The following TMEM86B variants were observed in gnomAD, a reference collection of about 807,000 sequenced individuals.
TMEM86B encodes the protein lysoplasmalogenase TMEM86B.
TMEM86B carries 15 observed loss-of-function variants against 12.3 expected under a neutral mutation model. That is an observed-to-expected ratio of 1.22 (90% CI 0.81 to 1.87). TMEM86B has a LOEUF of 1.87. Among genes scored for constraint, TMEM86B ranks in the 40% most tolerant of loss-of-function variants. TMEM86B has a pLI of 0.00. For synonymous variants in TMEM86B, 173 were observed against 140.3 expected, an observed-to-expected ratio of 1.23 and a Z score of -1.65; for missense variants, 328 against 297.4, an observed-to-expected ratio of 1.10 and a Z score of -0.76.
In TMEM86B at chr19:55,227,094, AG is replaced by A. The variant is rs2087288124; in HGVS notation, c.*86del. 6.0e-6 allele frequency: 8 copies of A among 1,332,596 alleles called. No individual in the cohort carries two copies. Among genetic ancestry groups the A allele is most frequent in the Non-Finnish European group, 7.8e-6 (8 of 1,029,784 alleles). 82.5% of individuals were successfully genotyped at this position (1,332,596 alleles called of 1,614,324 possible). A position where few individuals can be genotyped will look rare whatever the true frequency, so the allele number is the denominator to read the frequency against. ...CAGGCGTCAGGAAGCTTCGCTGCTG[AG>A]GGTATTTCTCAGGCTGGGCTGGGCT... On this transcript the variant is annotated 3_prime_UTR_variant, in exon 3 of 3. Coordinates refer to ENST00000327042, the MANE Select transcript of TMEM86B (RefSeq NM_173804.5).
Position 55,228,405 on chromosome 19 carries a change from G to T in TMEM86B, c.84C>A (p.Phe28Leu). ...RPDVCRWLSP[F>L]ILSCCVYFCL... Reference sequence around the variant, plus strand: ...AGAAGTACACGCAGCAGGAGAGGATGAAGGGGCTCAGCCACCTGCAGACAT... The same window carrying T: ...AGAAGTACACGCAGCAGGAGAGGATTAAGGGGCTCAGCCACCTGCAGACAT... The change falls in exon 2 of 3, where the codon TTC becomes TTA. Residue 28 changes from phenylalanine (F) to leucine (L), a missense_variant. Coordinates refer to ENST00000327042, the MANE Select transcript of TMEM86B (RefSeq NM_173804.5). 1 of 1,613,444 alleles carries T rather than the reference G, an allele frequency of 6.2e-7. No individual in the cohort carries two copies. The highest frequency in any genetic ancestry group is 1.1e-5 in the South Asian group (1 of 91,088).
In TMEM86B at chr19:55,227,296, T is replaced by G; in HGVS notation, c.566A>C (p.Asp189Ala). ...ATGGGGCAGGGGCTGGGCGAAGGTG[T>G]CCCAGGCCAGCACGCCATCAGAGAG... ...FTLSDGVLAW[D>A]TFAQPLPHAH... The change falls in exon 3 of 3, where the codon GAC becomes GCC. Residue 189 changes from aspartate (D) to alanine (A), a missense_variant. By Grantham distance (126) the Asp-to-Ala change is moderately radical. Transcript: ENST00000327042. 1 of 1,609,030 alleles carries G rather than the reference T, an allele frequency of 6.2e-7. No individual in the cohort carries two copies. The highest frequency in any genetic ancestry group is 8.5e-7 in the Non-Finnish European group (1 of 1,177,474).
chr19:55,228,016 C>T (rs2087299076), intron 2 of TMEM86B, 175 bp downstream of exon 2: 4 of 1,149,834 alleles, frequency 3.5e-6, no homozygotes, highest in Non-Finnish European at 4.8e-6. Flanking sequence ...TGCCCTAACA[C>T]CGCCTGCCCC....
intron 2 of TMEM86B, chr19:55,227,832 C>T: frequency 1.7e-6 from 1 of 594,036 alleles, no homozygotes; most frequent in Non-Finnish European, 2.9e-6. Flanking sequence ...GGGCTACAAG[C>T]ACCTGACACG....
At position 55,226,992 on chromosome 19, in the gene TMEM86B, AG is replaced by A. The variant is rs1334994270; in HGVS notation, c.*188del. ...AACCGGGGGAAGGCAGCTGGAACCC[AG>A]TAGTGGACTTGGAATTCCGCAAATC... On this transcript the variant is annotated 3_prime_UTR_variant, in exon 3 of 3. Transcript: ENST00000327042. 1.6e-5 allele frequency: 9 copies of A among 568,322 alleles called. No individual in the cohort carries two copies. Among genetic ancestry groups the A allele is most frequent in the Non-Finnish European group, 2.2e-5 (8 of 369,836 alleles). The allele number at this position is 568,322 out of a possible 1,614,324, so 35.2% of individuals were successfully genotyped here. A position where few individuals can be genotyped will look rare whatever the true frequency, so the allele number is the denominator to read the frequency against.
At chr19:55,227,961 G>GT (rs2087298495) in intron 2 of TMEM86B, 2 of 732,216 alleles carry the variant, frequency 2.7e-6, no homozygotes, top group Non-Finnish European at 4.3e-6. Context: ...TCAAACTGCA[G>GT]TACCTCCAGC....
chr19:55,228,660 C>T (rs746575586), intron 1 of TMEM86B, 31 bp downstream of exon 1: 1 of 1,601,418 alleles, frequency 6.2e-7, no homozygotes, highest in Non-Finnish European at 8.5e-7. Context: ...CCTGTCCCCC[C>T]AGCCCCAGGC....
chr19:55,227,849 C>T, intron 2 of TMEM86B: 2 of 590,948 alleles, frequency 3.4e-6, no homozygotes, highest in East Asian at 2.9e-5. Context: ...CACGTCCCTG[C>T]CCCGGAGCCT....
intron 2 of TMEM86B, chr19:55,227,841 C>G (rs540847254): frequency 3.7e-5 from 22 of 590,128 alleles, no homozygotes; most frequent in South Asian, 3.5e-4. Flanking sequence ...GCACCTGACA[C>G]GTCCCTGCCC....
chr19:55,227,160 C>T lies in TMEM86B; in HGVS notation c.*21G>A. The T allele has an allele frequency of 6.8e-7, 1 of 1,460,218 alleles. No individual in the cohort carries two copies. The highest frequency in any genetic ancestry group is 9.1e-7 in the Non-Finnish European group (1 of 1,100,428). The allele number at this position is 1,460,218 out of a possible 1,614,324, so 90.5% of individuals were successfully genotyped here. A position where few individuals can be genotyped will look rare whatever the true frequency, so the allele number is the denominator to read the frequency against. ...CTTGCAGGAGGAGAGGGCCTGAACA[C>T]CGGCCCTTCAAGCTCCCTAGTCAGT... On this transcript the variant is annotated 3_prime_UTR_variant, in exon 3 of 3. Coordinates refer to ENST00000327042, the MANE Select transcript of TMEM86B (RefSeq NM_173804.5).
chr19:55,227,991 C>A (rs529919001), intron 2 of TMEM86B, 200 bp downstream of exon 2: 1 of 926,144 alleles, frequency 1.1e-6, no homozygotes, highest in Middle Eastern at 3.4e-4. Flanking sequence ...CTGCCCTCTG[C>A]GCCACCTCAG....
chr19:55,228,560 G>A (rs1301292817), intron 1 of TMEM86B, 123 bp from the exon 2 acceptor site: 150 of 1,524,746 alleles, frequency 9.8e-5, no homozygotes, highest in Non-Finnish European at 1.2e-4. Flanking sequence ...GACCCATTCA[G>A]GGACCAGGCT....
In TMEM86B at chr19:55,228,761, A is replaced by G. The variant is rs1160365849; in HGVS notation, c.-20T>C. 2 of 1,612,304 alleles carry G rather than the reference A, an allele frequency of 1.2e-6. No individual in the cohort carries two copies. Among genetic ancestry groups the G allele is most frequent in the Admixed American group, 3.3e-5 (2 of 59,926 alleles). On this transcript the variant is annotated 5_prime_UTR_variant, in exon 1 of 3. Transcript: ENST00000327042. ...GTCCATGCTGGCCTGATAGCCCCAG[A>G]GCGACCTAATCTGGGAGCGAGTGGC...
chr19:55,227,652 T>A (rs1369281110), intron 2 of TMEM86B, 89 bp from the exon 3 acceptor site: 2 of 1,424,896 alleles, frequency 1.4e-6, no homozygotes, highest in Non-Finnish European at 1.8e-6. Context: ...AGAAGGACCA[T>A]CCCAGAGCAC....
Position 55,228,384 on chromosome 19 carries a change from G to A in TMEM86B, c.105C>T (p.Tyr35=), listed in dbSNP as rs1422620644. 1 of 1,613,750 alleles carries A rather than the reference G, an allele frequency of 6.2e-7. No individual in the cohort carries two copies. The highest frequency in any genetic ancestry group is 2.2e-5 in the East Asian group (1 of 44,892). The change falls in exon 2 of 3, where the codon TAC becomes TAT. Residue 35 remains tyrosine (Y), a synonymous_variant. Transcript: ENST00000327042. ...GGTCCTCGGGAATCCAGAGGCAGAAGTACACGCAGCAGGAGAGGATGAAGG... is the reference window on the plus strand; with the variant it reads ...GGTCCTCGGGAATCCAGAGGCAGAAATACACGCAGCAGGAGAGGATGAAGG... ...LSPFILSCCV[Y]FCLWIPEDQL...
chr19:55,227,185 T>A lies in TMEM86B; in HGVS notation c.677A>T (p.Asp226Val), dbSNP rs1294024605. The change falls in exon 3 of 3, where the codon GAC becomes GTC. Residue 226 changes from aspartate to valine, a missense_variant. Coordinates refer to ENST00000327042, the MANE Select transcript of TMEM86B (RefSeq NM_173804.5). ...SALRSPVPKT[D>V] ...CCGGCCCTTCAAGCTCCCTAGTCAG[T>A]CAGTCTTGGGCACCGGGCTCCTGAG... 3 of 1,495,342 alleles carry A rather than the reference T, an allele frequency of 2.0e-6. No homozygotes were observed. Among genetic ancestry groups the A allele is most frequent in the African/African-American group, 2.8e-5 (2 of 71,940 alleles). 92.6% of individuals were successfully genotyped at this position (1,495,342 alleles called of 1,614,324 possible).
chr19:55,227,652 T>C, intron 2 of TMEM86B, 89 bp from the exon 3 acceptor site: 2 of 1,424,896 alleles, frequency 1.4e-6, no homozygotes, highest in South Asian at 1.5e-5. Context: ...AGAAGGACCA[T>C]CCCAGAGCAC....
chr19:55,228,631 G>A, intron 1 of TMEM86B, 60 bp downstream of exon 1: 2 of 1,576,804 alleles, frequency 1.3e-6, no homozygotes, highest in Non-Finnish European at 1.7e-6. Flanking sequence ...AGACCCGCCG[G>A]CTGCTGGGGT....
At chr19:55,228,547 C>T (rs548645595) in intron 1 of TMEM86B, 110 bp from the exon 2 acceptor site, 14 of 1,534,972 alleles carry the variant, frequency 9.1e-6, no homozygotes, top group Non-Finnish European at 1.2e-5. Context: ...GCTGTACAGG[C>T]TGGACCCATT....
Sources: allele counts gnomAD v4.1 joint callset, GRCh38; gene constraint gnomAD v4.1.1; transcripts MANE v1.5; gene names NCBI Gene and HGNC (gene_info 2026-07-23, HGNC 2026-07-21).